Variants in KCNH8 observed in about 807,000 individuals in gnomAD.
KCNH8 encodes the protein voltage-gated delayed rectifier potassium channel KCNH8.
KCNH8 carries 70 observed loss-of-function variants against 103.6 expected under a neutral mutation model. That is an observed-to-expected ratio of 0.68 (90% CI 0.56 to 0.82). The LOEUF (loss-of-function observed/expected upper bound fraction) is 0.82. KCNH8 is among the 40% of genes least tolerant of loss of function. The probability of loss-of-function intolerance (pLI) is 0.00; values close to 1 mark genes in which losing one functional copy is unlikely to be tolerated. For missense variants in KCNH8, 1,217 were observed against 1,329.9 expected (o/e 0.92, Z 1.32); for synonymous variants, 498 against 489.4 (o/e 1.02, Z -0.23).
chr3:19,285,501 A>T (rs1039094452), intron 3 of KCNH8, among the ~76,000 whole-genome samples: 13 of 152,188 alleles, frequency 8.5e-5, no homozygotes, highest in Non-Finnish European at 1.5e-4. Flanking sequence ...GGGCATATAG[A>T]ATATGCTCAA....
chr3:19,308,929 G>A (rs764220808), intron 3 of KCNH8, among the ~76,000 whole-genome samples: 6 of 151,390 alleles, frequency 4.0e-5, no homozygotes, highest in Non-Finnish European at 7.4e-5. Context: ...AGGCCACACT[G>A]TCTTAATGTA....
intron 3 of KCNH8, among the ~76,000 whole-genome samples, chr3:19,297,638 C>A (rs1348328830): frequency 6.6e-6 from 1 of 152,166 alleles, no homozygotes; most frequent in Non-Finnish European, 1.5e-5. Flanking sequence ...AGGTATGGCA[C>A]ACCTGGAAAA....
At chr3:19,199,462 T>A (rs193244067) in intron 1 of KCNH8, among the ~76,000 whole-genome samples, 1 of 151,876 alleles carries the variant, frequency 6.6e-6, no homozygotes, top group African/African-American at 2.4e-5. Flanking sequence ...AAAATTCTTG[T>A]GGTGACAAAA....
chr3:19,411,002 C>A (rs1575033025), intron 7 of KCNH8, among the ~76,000 whole-genome samples: 1 of 151,944 alleles, frequency 6.6e-6, no homozygotes, highest in Non-Finnish European at 1.5e-5. Flanking sequence ...AGGGATTCTC[C>A]CTCACTCATT....
chr3:19,486,522 T>A (rs990046067), intron 11 of KCNH8, among the ~76,000 whole-genome samples: 3 of 152,206 alleles, frequency 2.0e-5, no homozygotes, highest in African/African-American at 7.2e-5. Context: ...TCTAGTTGTT[T>A]TGAGAGATAG....
At chr3:19,282,999 C>A (rs2064777451) in intron 3 of KCNH8, among the ~76,000 whole-genome samples, 2 of 152,160 alleles carry the variant, frequency 1.3e-5, no homozygotes. Flanking sequence ...GAGCCTCTCA[C>A]TGTGTAACTT....
chr3:19,283,908 C>G (rs1292962931), intron 3 of KCNH8, among the ~76,000 whole-genome samples: 2 of 148,282 alleles, frequency 1.3e-5, no homozygotes, highest in Non-Finnish European at 3.0e-5. Flanking sequence ...CACTCCTGCA[C>G]TCTAGCCTGG....
At chr3:19,349,283 A>C (rs1445591715) in intron 5 of KCNH8, among the ~76,000 whole-genome samples, 1 of 152,116 alleles carries the variant, frequency 6.6e-6, no homozygotes, top group Non-Finnish European at 1.5e-5. Flanking sequence ...CAAGAATTTA[A>C]AATGAAAATG....
intron 1 of KCNH8, among the ~76,000 whole-genome samples, chr3:19,221,679 G>A (rs1185207679): frequency 6.6e-6 from 1 of 151,742 alleles, no homozygotes; most frequent in Non-Finnish European, 1.5e-5. Context: ...ATTTTGACAA[G>A]TCCTCTTGGT....
chr3:19,381,894 A>G (rs773664370), intron 5 of KCNH8, among the ~76,000 whole-genome samples: 1 of 152,150 alleles, frequency 6.6e-6, no homozygotes, highest in Non-Finnish European at 1.5e-5. Context: ...CATACATACC[A>G]TACTGATTTA....
chr3:19,293,342 C>T (rs1415781063), intron 3 of KCNH8, among the ~76,000 whole-genome samples: 1 of 152,166 alleles, frequency 6.6e-6, no homozygotes, highest in Non-Finnish European at 1.5e-5. Context: ...CTTCCCCAAA[C>T]CCCTACAAGC....
At chr3:19,308,310 T>C (rs1167793393) in intron 3 of KCNH8, among the ~76,000 whole-genome samples, 1 of 151,366 alleles carries the variant, frequency 6.6e-6, no homozygotes, top group African/African-American at 2.4e-5. Flanking sequence ...AAGGTGATGA[T>C]TAGAATTCAT....
chr3:19,158,145 T>C (rs2063199351), intron 1 of KCNH8, among the ~76,000 whole-genome samples: 1 of 151,746 alleles, frequency 6.6e-6, no homozygotes, highest in African/African-American at 2.4e-5. Context: ...CTGTAACTTT[T>C]ACTTTCAAAT....
chr3:19,504,692 G>C (rs1232572813), intron 11 of KCNH8, among the ~76,000 whole-genome samples: 1 of 152,128 alleles, frequency 6.6e-6, no homozygotes, highest in Non-Finnish European at 1.5e-5. Flanking sequence ...ATGCTGGAAA[G>C]ATTGCAGAGA....
At chr3:19,459,300 T>A (rs1054037690) in intron 11 of KCNH8, among the ~76,000 whole-genome samples, 5 of 151,866 alleles carry the variant, frequency 3.3e-5, no homozygotes, top group African/African-American at 7.2e-5. Context: ...TTCTAATAGG[T>A]GTGGTTTTAA....
At chr3:19,421,981 T>C (rs1469730946) in intron 7 of KCNH8, among the ~76,000 whole-genome samples, 1 of 152,032 alleles carries the variant, frequency 6.6e-6, no homozygotes, top group African/African-American at 2.4e-5. Context: ...GTTTACTAAT[T>C]GGATATAATA....
Position 19,465,830 on chromosome 3 carries a change from G to C in KCNH8, c.2040+8848G>C, listed in dbSNP as rs536315695. The stretch of plus-strand genomic sequence containing the variant: ...AGGAAGTCAGTGCAGATCTGGTGGA[G>C]ATAGCAAAAGAATTAGAATTAGAAG... On this transcript the variant is annotated intron_variant, in intron 11 of 15. Transcript: ENST00000328405. Among the ~76,000 whole-genome samples the C allele has an allele frequency of 2.4e-4, 36 of 151,914 alleles. No individual in the cohort carries two copies. The South Asian group carries it at 7.5e-3, about 32-fold the overall frequency.
chr3:19,254,166 A>G (rs889865661), intron 2 of KCNH8, among the ~76,000 whole-genome samples: 12 of 152,126 alleles, frequency 7.9e-5, no homozygotes, highest in Admixed American at 3.3e-4. Flanking sequence ...GTACGTTACT[A>G]TTATATTTTG....
intron 11 of KCNH8, among the ~76,000 whole-genome samples, chr3:19,484,318 G>C (rs555562099): frequency 6.6e-6 from 1 of 152,270 alleles, no homozygotes; most frequent in South Asian, 2.1e-4. Flanking sequence ...AGTAACTATA[G>C]AACAGAAAGA....
Sources: allele counts gnomAD v4.1 joint callset (sites outside exome capture counted in the v4.1 genomes callset), GRCh38; gene constraint gnomAD v4.1.1; transcripts MANE v1.5; gene names NCBI Gene and HGNC (gene_info 2026-07-23, HGNC 2026-07-21).